The following NUP205 variants were observed in gnomAD, a reference collection of about 807,000 sequenced individuals.
The protein encoded by NUP205 is nucleoporin 205, also known as nuclear pore complex protein Nup205.
Under a neutral mutation model 253.8 loss-of-function variants are expected in NUP205, and 76 were observed. That is an observed-to-expected ratio of 0.30 (90% CI 0.25 to 0.36). The LOEUF is 0.36. Ranked by LOEUF, NUP205 falls within the 10% of genes least tolerant of loss-of-function variation. The pLI is 1.00. For missense variants in NUP205, 2,162 were observed against 2,425.5 expected (o/e 0.89, Z 2.28); for synonymous variants, 832 against 850.1 (o/e 0.98, Z 0.37).
Position 135,623,087 on chromosome 7 carries a change from G to A in NUP205, c.4479+162G>A, listed in dbSNP as rs561724285. On this transcript the variant is annotated intron_variant, in intron 31 of 42. Coordinates refer to ENST00000285968, the MANE Select transcript of NUP205 (RefSeq NM_015135.3). ...GAGTATAGGAGTTTGAGACTAGCCTGGGCAACATGGTGAAACCCCGTCTCT... is the reference window on the plus strand; with the variant it reads ...GAGTATAGGAGTTTGAGACTAGCCTAGGCAACATGGTGAAACCCCGTCTCT... 2.6e-5 allele frequency among the ~76,000 whole-genome samples: 4 copies of A among 152,218 alleles called. No homozygotes were observed. In the East Asian group the frequency reaches 7.7e-4, roughly 29 times the overall value.
At chr7:135,588,234 A>G (rs908186474) in intron 10 of NUP205, among the ~76,000 whole-genome samples, 2 of 141,998 alleles carry the variant, frequency 1.4e-5, no homozygotes, top group Non-Finnish European at 3.2e-5. Flanking sequence ...TTGACCTCCC[A>G]GGTGGAAGTG....
At position 135,645,573 on chromosome 7, in the gene NUP205, T is replaced by A; in HGVS notation, c.5789T>A (p.Leu1930Ter). Residue 1930 changes from leucine to a stop codon, truncating the protein, a stop_gained, in exon 41 of 43, where the codon TTG becomes TAG. Coordinates refer to ENST00000285968, the MANE Select transcript of NUP205 (RefSeq NM_015135.3). LOFTEE classifies it high-confidence loss of function. The stretch of plus-strand genomic sequence containing the variant: ...GATTCCTTATTTGCCTCGAGAACCT[T>A]GTTTAAAAGCAGAAGACTGCAAGGT... ...SQDSLFASRT[L>*]FKSRRLQDSF... The A allele has an allele frequency of 6.2e-7, 1 of 1,614,120 alleles. No individual in the cohort carries two copies. Among genetic ancestry groups the A allele is most frequent in the Admixed American group, 1.7e-5 (1 of 60,004 alleles).
chr7:135,579,035 G>T, intron 7 of NUP205, 120 bp downstream of exon 7: 3 of 690,128 alleles, frequency 4.3e-6, no homozygotes, highest in Non-Finnish European at 6.7e-6. Context: ...ATCCAGAGTT[G>T]TATTAAATGA....
chr7:135,583,379 G>C (rs1298826633), intron 7 of NUP205, among the ~76,000 whole-genome samples: 1 of 152,116 alleles, frequency 6.6e-6, no homozygotes. Flanking sequence ...CATAACCTAT[G>C]ACATACTCTT....
At chr7:135,561,442 A>C (rs916355890) in intron 1 of NUP205, among the ~76,000 whole-genome samples, 1 of 152,226 alleles carries the variant, frequency 6.6e-6, no homozygotes, top group African/African-American at 2.4e-5. Flanking sequence ...GGCTGAGTAC[A>C]CTCACAGACT....
At chr7:135,559,517 T>C (rs34689429) in intron 1 of NUP205, among the ~76,000 whole-genome samples, 33,574 of 150,320 alleles carry the variant, frequency 0.22, 4,265 homozygotes, top group East Asian at 0.5. Flanking sequence ...ATTACAGGCA[T>C]GTGCCACCAC....
At chr7:135,566,975 G>A (rs1805778894) in intron 1 of NUP205, among the ~76,000 whole-genome samples, 1 of 150,900 alleles carries the variant, frequency 6.6e-6, no homozygotes, top group Non-Finnish European at 1.5e-5. Context: ...TCCTGACCTC[G>A]TGATCGGCCC....
intron 1 of NUP205, among the ~76,000 whole-genome samples, chr7:135,559,689 T>G (rs1415690366): frequency 1.3e-5 from 2 of 151,198 alleles, no homozygotes; most frequent in Non-Finnish European, 3.0e-5. Context: ...TATTTTCCTT[T>G]TTTTTTTTTT....
At chr7:135,579,003 A>T in intron 7 of NUP205, 88 bp downstream of exon 7, 1 of 943,786 alleles carries the variant, frequency 1.1e-6, no homozygotes, top group East Asian at 2.6e-5. Context: ...TTTGACATAC[A>T]TAAGCATAAG....
At chr7:135,642,844 GT>G (rs1297873876) in intron 38 of NUP205, among the ~76,000 whole-genome samples, 34 of 1,764 alleles carry the variant, frequency 0.019, no homozygotes, top group Non-Finnish European at 0.08. Flanking sequence ...ATGTGGAGGG[GT>G]GTGTGTGTGT....
At position 135,557,969 on chromosome 7, in the gene NUP205, T is replaced by C; in HGVS notation, c.25T>C (p.Ser9Pro). ...GATGGCGACGCCTTTGGCGGTAAAT[T>C]CGGGTAAGTGTGGCCAGACAGAAAG... is the stretch of plus-strand genomic sequence containing the variant. MATPLAVNSAASLWGPYKD... is the reference protein window; with the variant it reads MATPLAVNPAASLWGPYKD... The change falls in exon 1 of 43, where the codon TCG becomes CCG. Residue 9 changes from serine to proline, a missense_variant. By Grantham distance (74) the Ser-to-Pro change is moderately conservative. Transcript: ENST00000285968. 6.2e-7 allele frequency: 1 copy of C among 1,613,478 alleles called. No individual in the cohort carries two copies. The highest frequency in any genetic ancestry group is 8.5e-7 in the Non-Finnish European group (1 of 1,179,438).
chr7:135,582,602 G>C (rs935452357), intron 7 of NUP205, among the ~76,000 whole-genome samples: 2 of 151,934 alleles, frequency 1.3e-5, no homozygotes, highest in South Asian at 2.1e-4. Context: ...TTCCACTTCA[G>C]CCTCCCAAGT....
chr7:135,598,675 A>G (rs934693674), intron 15 of NUP205: 2 of 163,158 alleles, frequency 1.2e-5, no homozygotes, highest in Admixed American at 5.7e-5. Context: ...CTGAGAGAGC[A>G]CTGATCTTTA....
At chr7:135,578,392 G>A (rs895367692) in intron 6 of NUP205, among the ~76,000 whole-genome samples, 2 of 152,142 alleles carry the variant, frequency 1.3e-5, no homozygotes, top group African/African-American at 4.8e-5. Flanking sequence ...TCTTTGATCT[G>A]TGTTTTCTGT....
chr7:135,574,826 A>G (rs1431525360), intron 3 of NUP205, among the ~76,000 whole-genome samples: 2 of 152,232 alleles, frequency 1.3e-5, no homozygotes, highest in Admixed American at 6.5e-5. Context: ...TGTTTTAATT[A>G]TAATGGAGGA....
In NUP205 at chr7:135,598,152, G is replaced by A. The variant is rs138583395; in HGVS notation, c.2219G>A (p.Arg740Lys). The change falls in exon 15 of 43, where the codon AGA becomes AAA. Residue 740 changes from arginine (R) to lysine (K), a missense_variant. Physicochemically the swap from Arg to Lys is conservative, Grantham distance 26. Around this residue, in one of 5 missense-constraint regions of NUP205, gnomAD observed 892 missense variants for 957.1 expected, o/e 0.93. Transcript: ENST00000285968. Reference sequence around the variant, plus strand: ...TTTGACCCTTATTTGCAGTTCCTTAGAGACTCTGTGTTTCTACGATTCCGT... The same window carrying A: ...TTTGACCCTTATTTGCAGTTCCTTAAAGACTCTGTGTTTCTACGATTCCGT... The part of the protein sequence containing the change: ...PGFDPYLQFL[R>K]DSVFLRFRTR... 1.9e-4 allele frequency: 310 copies of A among 1,613,998 alleles called. No homozygotes were observed. The highest frequency in any genetic ancestry group is 2.5e-4 in the Non-Finnish European group (300 of 1,180,018).
At position 135,570,903 on chromosome 7, in the gene NUP205, TATATA is replaced by T. The variant is rs1428883777; in HGVS notation, c.29-196_29-192del. The stretch of plus-strand genomic sequence containing the variant: ...TAATATATTATATATTATATATTTA[TATATA>T]ATATATTAATATAATATAGTTAATG... On this transcript the variant is annotated intron_variant, in intron 1 of 42. Coordinates refer to ENST00000285968, the MANE Select transcript of NUP205 (RefSeq NM_015135.3). 1.0e-4 allele frequency among the ~76,000 whole-genome samples: 13 copies of T among 125,342 alleles called. No homozygotes were observed. In the East Asian group the frequency reaches 2.7e-3, roughly 26 times the overall value. The allele number at this position is 125,342 out of a possible 152,430, so 82.2% of individuals were successfully genotyped here. A position where few individuals can be genotyped will look rare whatever the true frequency, so the allele number is the denominator to read the frequency against.
intron 1 of NUP205, among the ~76,000 whole-genome samples, chr7:135,564,461 T>G (rs887154372): frequency 6.6e-6 from 1 of 151,672 alleles, no homozygotes; most frequent in South Asian, 2.1e-4. Context: ...ATGTTGGCCA[T>G]GCTGGTCTTG....
At chr7:135,646,259 T>G in intron 42 of NUP205, 28 bp downstream of exon 42, 1 of 1,506,506 alleles carries the variant, frequency 6.6e-7, no homozygotes. Flanking sequence ...TATTCTTTTA[T>G]TTTTCTTCAT....
Sources: gnomAD v4.1 joint callset for allele counts (sites outside exome capture counted in the v4.1 genomes callset) on GRCh38, gnomAD v4.1.1 for gene constraint, gnomAD v4.1.1 regional missense constraint, MANE v1.5 for transcripts, NCBI Gene and HGNC (gene_info 2026-07-23, HGNC 2026-07-21) for gene names.